GRM7: variants seen among roughly 807,000 people sequenced by gnomAD.
GRM7 encodes the protein glutamate metabotropic receptor 7.
Under a neutral mutation model 84.5 loss-of-function variants are expected in GRM7, and 35 were observed. That is an observed-to-expected ratio of 0.41 (90% CI 0.32 to 0.55). The LOEUF is 0.55. Among genes scored for constraint, GRM7 ranks in the 20% least tolerant of loss-of-function variants. GRM7 has a pLI of 0.19. For synonymous variants in GRM7, 487 were observed against 455.1 expected (o/e 1.07, Z -0.89); for missense variants, 1,003 against 1,194.6 (o/e 0.84, Z 2.36).
At chr3:7,373,913 C>T (rs150337654) in intron 4 of GRM7, among the ~76,000 whole-genome samples, 1 of 152,226 alleles carries the variant, frequency 6.6e-6, no homozygotes, top group Non-Finnish European at 1.5e-5. Flanking sequence ...TTTTATTTAA[C>T]CTTAATTTTA....
intron 8 of GRM7, among the ~76,000 whole-genome samples, chr3:7,632,094 C>A (rs560532813): frequency 1.3e-5 from 2 of 152,166 alleles, no homozygotes; most frequent in Non-Finnish European, 2.9e-5. Flanking sequence ...TTGATCCACT[C>A]AGGACAGTAA....
intron 7 of GRM7, among the ~76,000 whole-genome samples, chr3:7,527,101 G>A (rs540684755): frequency 2.2e-3 from 330 of 151,964 alleles, no homozygotes; most frequent in Non-Finnish European, 3.9e-3. Context: ...CATTGAATAC[G>A]TACATTGCTT....
chr3:6,884,972 C>T (rs1439618182), intron 1 of GRM7, among the ~76,000 whole-genome samples: 1 of 152,126 alleles, frequency 6.6e-6, no homozygotes, highest in Non-Finnish European at 1.5e-5. Context: ...TGGTGATGTT[C>T]TTGAACTCTT....
intron 5 of GRM7, among the ~76,000 whole-genome samples, chr3:7,448,442 A>G (rs13096022): frequency 0.36 from 54,745 of 151,872 alleles, 11,162 homozygotes; most frequent in Non-Finnish European, 0.48. Flanking sequence ...ACAAATCAGG[A>G]TTAACTCAGT....
At chr3:7,624,568 T>G (rs1697515911) in intron 8 of GRM7, among the ~76,000 whole-genome samples, 1 of 152,138 alleles carries the variant, frequency 6.6e-6, no homozygotes, top group Admixed American at 6.5e-5. Context: ...TGTAATGTAA[T>G]GGCACATGCT....
At chr3:7,063,259 G>A (rs1449909569) in intron 1 of GRM7, among the ~76,000 whole-genome samples, 3 of 151,620 alleles carry the variant, frequency 2.0e-5, no homozygotes, top group Non-Finnish European at 4.4e-5. Context: ...AGTAAGGCTT[G>A]GTATACAAGG....
intron 9 of GRM7, chr3:7,693,735 C>T (rs1700904920): frequency 2.6e-6 from 3 of 1,147,070 alleles, no homozygotes; most frequent in African/African-American, 3.0e-5. Flanking sequence ...AGCTTTGCTA[C>T]CCAGCCCACC....
intron 1 of GRM7, among the ~76,000 whole-genome samples, chr3:7,046,565 T>C (rs1486943772): frequency 6.6e-6 from 1 of 152,124 alleles, no homozygotes; most frequent in East Asian, 1.9e-4. Context: ...ATTTTCTGGT[T>C]TGTAGTTTTG....
chr3:7,440,324 T>C (rs547810719), intron 5 of GRM7, among the ~76,000 whole-genome samples: 33 of 152,278 alleles, frequency 2.2e-4, no homozygotes, highest in Middle Eastern at 6.8e-3. Flanking sequence ...GACTGTGGGC[T>C]TGGAGACACT....
In GRM7 at chr3:7,210,306, A is replaced by T. The variant is rs184990027; in HGVS notation, c.736+63638A>T. ...CTATTAGCTACATGGCTTCACAGCCATTAGAAACATACCCTAAGAAGCTTT... is the reference window on the plus strand; with the variant it reads ...CTATTAGCTACATGGCTTCACAGCCTTTAGAAACATACCCTAAGAAGCTTT... On this transcript the variant is annotated intron_variant, in intron 2 of 9. Transcript: ENST00000357716. 5.3e-5 allele frequency among the ~76,000 whole-genome samples: 8 copies of T among 152,362 alleles called. No individual in the cohort carries two copies. In the South Asian group the frequency reaches 1.2e-3, roughly 24 times the overall value.
chr3:7,105,490 C>T (rs1351103578), intron 1 of GRM7, among the ~76,000 whole-genome samples: 1 of 151,784 alleles, frequency 6.6e-6, no homozygotes, highest in Non-Finnish European at 1.5e-5. Context: ...TTCCTGCATA[C>T]CTTAGTAGAC....
chr3:7,496,548 A>G (rs1260531297), intron 7 of GRM7, among the ~76,000 whole-genome samples: 8 of 152,186 alleles, frequency 5.3e-5, no homozygotes, highest in Non-Finnish European at 5.9e-5. Flanking sequence ...CCTGGATTAG[A>G]TCTTATAATG....
chr3:7,254,191 C>G lies in GRM7; in HGVS notation c.737-44493C>G, dbSNP rs377676175. 5.9e-4 allele frequency among the ~76,000 whole-genome samples: 90 copies of G among 152,312 alleles called. 2 individuals carry two copies. In the South Asian group the frequency reaches 0.017, roughly 29 times the overall value. On this transcript the variant is annotated intron_variant, in intron 2 of 9. Transcript: ENST00000357716. The stretch of plus-strand genomic sequence containing the variant: ...TTGCAGCCTGTCCATTAAACAGGAC[C>G]CGTGCTTTACAAAGGCCCCGTGCTT...
At chr3:7,577,371 C>T (rs570018368) in intron 7 of GRM7, among the ~76,000 whole-genome samples, 71 of 152,240 alleles carry the variant, frequency 4.7e-4, no homozygotes, top group Middle Eastern at 6.8e-3. Context: ...TTTTGAGAAC[C>T]ACTACAATAT....
chr3:7,512,468 G>T (rs1354306983), intron 7 of GRM7, among the ~76,000 whole-genome samples: 3 of 152,176 alleles, frequency 2.0e-5, no homozygotes, highest in Non-Finnish European at 4.4e-5. Flanking sequence ...CCCTGTGTGT[G>T]TGTGCAATGG....
chr3:7,420,850 T>A (rs1696363238), intron 5 of GRM7, among the ~76,000 whole-genome samples: 1 of 152,164 alleles, frequency 6.6e-6, no homozygotes, highest in South Asian at 2.1e-4. Flanking sequence ...AGCAACTGTT[T>A]GGGTAAGTTT....
At chr3:6,983,730 GTAA>G (rs1439139499) in intron 1 of GRM7, among the ~76,000 whole-genome samples, 1 of 151,550 alleles carries the variant, frequency 6.6e-6, no homozygotes, top group Non-Finnish European at 1.5e-5. Flanking sequence ...CCTGGCTTTT[GTAA>G]TAATATTATT....
intron 8 of GRM7, among the ~76,000 whole-genome samples, chr3:7,656,038 A>G (rs1468007051): frequency 6.6e-6 from 1 of 152,178 alleles, no homozygotes. Flanking sequence ...AGTAATAATA[A>G]ATGTAAATGC....
rs1023720685 is a variant in GRM7 at position 6,862,723 on chromosome 3, C to T, written c.519+816C>T. The T allele has an allele frequency of 2.0e-5, 4 of 197,852 alleles. No homozygotes were observed. Among genetic ancestry groups the T allele is most frequent in the Non-Finnish European group, 1.9e-5 (2 of 105,660 alleles). The allele number at this position is 197,852 out of a possible 1,614,324, so 12.3% of individuals were successfully genotyped here. A position where few individuals can be genotyped will look rare whatever the true frequency, so the allele number is the denominator to read the frequency against. ...TCGCTCTCCCTGCCTCCTCCCTCCT[C>T]CCCCCCGCCCCCCTCACCCACTATC... On this transcript the variant is annotated intron_variant, in intron 1 of 9. Coordinates refer to ENST00000357716, the MANE Select transcript of GRM7 (RefSeq NM_000844.4). This position sits in a 1 kb window ranked among gnomAD's most constrained non-coding sequence, Gnocchi z 5.2.
Sources: gnomAD v4.1 joint callset for allele counts (sites outside exome capture counted in the v4.1 genomes callset) on GRCh38, gnomAD v4.1.1 for gene constraint, Gnocchi (gnomAD v3.1) non-coding constraint, MANE v1.5 for transcripts, NCBI Gene and HGNC (gene_info 2026-07-23, HGNC 2026-07-21) for gene names.